The following HS6ST3 variants were observed in gnomAD, a reference collection of about 807,000 sequenced individuals.
The protein encoded by HS6ST3 is heparan-sulfate 6-O-sulfotransferase 3.
HS6ST3 carries 12 observed loss-of-function variants against 36.7 expected under a neutral mutation model. The observed-to-expected ratio is 0.33, with a 90% CI of 0.21 to 0.53. The LOEUF (loss-of-function observed/expected upper bound fraction) is 0.53, where lower values mean the gene tolerates loss of function less well. HS6ST3 is among the 20% of genes least tolerant of loss of function. HS6ST3 has a pLI of 0.95. For synonymous variants in HS6ST3, 240 were observed against 257.5 expected (o/e 0.93, Z 0.65); for missense variants, 584 against 640.9 (o/e 0.91, Z 0.96).
intron 1 of HS6ST3, among the ~76,000 whole-genome samples, chr13:96,722,126 C>A (rs370964843): frequency 6.6e-6 from 1 of 152,050 alleles, no homozygotes; most frequent in African/African-American, 2.4e-5. Context: ...ACTAGCCAGG[C>A]GTGCTGGTGG....
In HS6ST3 at chr13:96,608,018, G is replaced by A. The variant is rs147821421; in HGVS notation, c.708-224472G>A. Among the ~76,000 whole-genome samples, 883 of 152,248 alleles carry A rather than the reference G, an allele frequency of 5.8e-3. 20 individuals are homozygous for A. Among genetic ancestry groups the A allele is most frequent in the Middle Eastern group, 0.024 (7 of 294 alleles). ...AGCTTTCAGAGACTGTTAGATCCAT[G>A]TTAAAAGTTGCCAACTGAATTTGAG... On this transcript the variant is annotated intron_variant, in intron 1 of 1. Transcript: ENST00000376705.
chr13:96,570,419 C>T (rs928559806), intron 1 of HS6ST3, among the ~76,000 whole-genome samples: 3 of 152,092 alleles, frequency 2.0e-5, no homozygotes, highest in Non-Finnish European at 4.4e-5. Context: ...GAAATAATAT[C>T]CCAGATTAAT....
At chr13:96,449,028 C>T (rs1416596826) in intron 1 of HS6ST3, among the ~76,000 whole-genome samples, 2 of 152,100 alleles carry the variant, frequency 1.3e-5, no homozygotes. Context: ...CTGGTGTGAT[C>T]ATAGCTCACT....
At chr13:96,548,977 A>C (rs1297921592) in intron 1 of HS6ST3, among the ~76,000 whole-genome samples, 1 of 152,140 alleles carries the variant, frequency 6.6e-6, no homozygotes, top group African/African-American at 2.4e-5. Flanking sequence ...CATACAATCA[A>C]CCCTCACACT....
intron 1 of HS6ST3, among the ~76,000 whole-genome samples, chr13:96,755,756 G>T (rs576144217): frequency 6.6e-6 from 1 of 152,206 alleles, no homozygotes; most frequent in African/African-American, 2.4e-5. Context: ...AGACTTTTGG[G>T]TTTTTACCAT....
intron 1 of HS6ST3, among the ~76,000 whole-genome samples, chr13:96,605,217 T>C (rs1461700445): frequency 6.6e-6 from 1 of 152,116 alleles, no homozygotes; most frequent in East Asian, 1.9e-4. Flanking sequence ...CCTTTAAAGA[T>C]AAGGGATATG....
chr13:96,817,535 C>T (rs148709973), intron 1 of HS6ST3, among the ~76,000 whole-genome samples: 189 of 152,232 alleles, frequency 1.2e-3, no homozygotes, highest in African/African-American at 3.8e-3. Context: ...TGGGAAGATT[C>T]GAGAGCCCCC....
chr13:96,702,884 G>A (rs1328457399), intron 1 of HS6ST3, among the ~76,000 whole-genome samples: 3 of 152,172 alleles, frequency 2.0e-5, no homozygotes, highest in African/African-American at 4.8e-5. Flanking sequence ...CTCAATTTCC[G>A]AAGCAGGAAT....
At chr13:96,494,093 C>T (rs996150219) in intron 1 of HS6ST3, among the ~76,000 whole-genome samples, 13 of 152,056 alleles carry the variant, frequency 8.5e-5, no homozygotes, top group Admixed American at 3.9e-4. Flanking sequence ...CGTAGAACCA[C>T]GATGTACCTT....
At chr13:96,816,981 T>C (rs1256524353) in intron 1 of HS6ST3, among the ~76,000 whole-genome samples, 1 of 152,166 alleles carries the variant, frequency 6.6e-6, no homozygotes, top group East Asian at 1.9e-4. Context: ...CCCTATCTAC[T>C]GGGTTGAACA....
intron 1 of HS6ST3, among the ~76,000 whole-genome samples, chr13:96,403,337 A>G (rs1034797415): frequency 2.0e-5 from 3 of 152,320 alleles, no homozygotes; most frequent in Admixed American, 6.5e-5. Context: ...TGTCACTGGA[A>G]GGAAGTCACT....
At chr13:96,711,198 C>T (rs951729492) in intron 1 of HS6ST3, among the ~76,000 whole-genome samples, 1 of 152,110 alleles carries the variant, frequency 6.6e-6, no homozygotes, top group Non-Finnish European at 1.5e-5. Context: ...TTGTCTCCCC[C>T]TTGGTTGGCC....
intron 1 of HS6ST3, among the ~76,000 whole-genome samples, chr13:96,316,297 GTGTA>G (rs1231436623): frequency 2.2e-5 from 3 of 135,576 alleles, no homozygotes; most frequent in South Asian, 2.4e-4. Flanking sequence ...GTGTGTGTGT[GTGTA>G]TGTGTACAGT....
intron 1 of HS6ST3, among the ~76,000 whole-genome samples, chr13:96,317,326 TTATATATATATATATA>T (rs537839404): frequency 0.017 from 1,650 of 96,900 alleles, 57 homozygotes; most frequent in African/African-American, 0.052. Flanking sequence ...TAGTATTCCA[TTATATATATATATATA>T]TATATATATA....
Position 96,091,264 on chromosome 13 carries a change from G to C in HS6ST3, c.402G>C (p.Leu134=), listed in dbSNP as rs2053762510. Residue 134 remains leucine, a synonymous_variant, in exon 1 of 2, where the codon CTG becomes CTC. Transcript: ENST00000376705. ...GCTTCAACTTCAGCCTGAAGGACCT[G>C]ACCCGCTTCGTGGATTTCAACATCA... The part of the protein sequence containing the change: ...VPRFNFSLKD[L]TRFVDFNIKG... 6.2e-7 allele frequency: 1 copy of C among 1,610,638 alleles called. No individual in the cohort carries two copies. The highest frequency in any genetic ancestry group is 1.7e-5 in the Admixed American group (1 of 59,626).
intron 1 of HS6ST3, among the ~76,000 whole-genome samples, chr13:96,538,723 C>T (rs986042055): frequency 6.6e-6 from 1 of 152,190 alleles, no homozygotes; most frequent in Non-Finnish European, 1.5e-5. Flanking sequence ...GGATTACAGG[C>T]GTGAGCCACC....
intron 1 of HS6ST3, among the ~76,000 whole-genome samples, chr13:96,440,622 TATC>T (rs1405994999): frequency 6.9e-6 from 1 of 144,122 alleles, no homozygotes; most frequent in Non-Finnish European, 1.5e-5. Context: ...ATAAAACTGG[TATC>T]ATCACATAAA....
At chr13:96,134,307 A>G (rs116648202) in intron 1 of HS6ST3, among the ~76,000 whole-genome samples, 3,057 of 152,112 alleles carry the variant, frequency 0.02, 87 homozygotes, top group African/African-American at 0.068. Flanking sequence ...GTATTTTAAT[A>G]TCTTTTTCTA....
At chr13:96,397,862 A>G (rs4771941) in intron 1 of HS6ST3, among the ~76,000 whole-genome samples, 76,732 of 151,664 alleles carry the variant, frequency 0.51, 19,702 homozygotes, top group Middle Eastern at 0.6. Context: ...CCTTATCTAG[A>G]CCAGGTACCA....
Sources: gnomAD v4.1 joint callset for allele counts (sites outside exome capture counted in the v4.1 genomes callset) on GRCh38, gnomAD v4.1.1 for gene constraint, MANE v1.5 for transcripts, NCBI Gene and HGNC (gene_info 2026-07-23, HGNC 2026-07-21) for gene names.